The following TMED3 variants were observed in gnomAD, a reference collection of about 807,000 sequenced individuals.
TMED3 encodes the protein transmembrane emp24 domain-containing protein 3.
In TMED3, 9 loss-of-function variants were observed where a neutral mutation model predicts 15.0. The ratio of observed to expected loss-of-function variants is 0.60; its 90% CI spans 0.36 to 1.04. TMED3 has a LOEUF of 1.04. Among genes scored for constraint, TMED3 ranks in the 50% least tolerant of loss-of-function variants. The pLI is 0.01. For missense variants in TMED3, 267 were observed against 278.9 expected (o/e 0.96, Z 0.30); for synonymous variants, 117 against 121.4 (o/e 0.96, Z 0.24).
chr15:79,411,488 G>T, exon 3 of TMED3: 3 of 702,410 alleles, frequency 4.3e-6, no homozygotes, highest in South Asian at 3.0e-5. Flanking sequence ...GGACTGGGAC[G>T]ACTGGCACCC....
At chr15:79,344,213 C>T (rs1457194506) in intron 2 of TMED3, among the ~76,000 whole-genome samples, 1 of 152,132 alleles carries the variant, frequency 6.6e-6, no homozygotes, top group East Asian at 1.9e-4. Context: ...CACAAGGCAC[C>T]AGAAGATGCC....
At chr15:79,362,152 G>A (rs1376324661) in intron 2 of TMED3, among the ~76,000 whole-genome samples, 1 of 151,890 alleles carries the variant, frequency 6.6e-6, no homozygotes, top group East Asian at 1.9e-4. Flanking sequence ...TTTTTGCGGG[G>A]GTACTTAACC....
At chr15:79,376,296 G>A (rs1893426431) in intron 2 of TMED3, among the ~76,000 whole-genome samples, 1 of 151,066 alleles carries the variant, frequency 6.6e-6, no homozygotes, top group Admixed American at 6.6e-5. Flanking sequence ...CTGTTTGATA[G>A]CTTTTGGCAT....
intron 2 of TMED3, among the ~76,000 whole-genome samples, chr15:79,316,803 C>A (rs965142091): frequency 6.6e-6 from 1 of 152,074 alleles, no homozygotes; most frequent in African/African-American, 2.4e-5. Context: ...CCTGGGGACT[C>A]GTGGCCTGGA....
At chr15:79,353,074 T>C (rs1209032173) in intron 2 of TMED3, among the ~76,000 whole-genome samples, 1,244 of 105,052 alleles carry the variant, frequency 0.012, 8 homozygotes, top group Non-Finnish European at 0.017. Context: ...TAAAAATATA[T>C]ATTATATATA....
chr15:79,387,562 A>G (rs566464827), intron 2 of TMED3, among the ~76,000 whole-genome samples: 1 of 151,512 alleles, frequency 6.6e-6, no homozygotes, highest in African/African-American at 2.4e-5. Flanking sequence ...AGAAACATCT[A>G]ATGAAATTAA....
At chr15:79,353,499 A>AAAATTTTTTATATTTTAT (rs2058906279) in intron 2 of TMED3, among the ~76,000 whole-genome samples, 2 of 138,676 alleles carry the variant, frequency 1.4e-5, no homozygotes, top group Non-Finnish European at 3.0e-5. Flanking sequence ...CTATGGCAAC[A>AAAATTTTTTATATTTTAT]AAATTTTATA....
chr15:79,334,393 A>G (rs1050018626), intron 2 of TMED3, among the ~76,000 whole-genome samples: 1 of 152,182 alleles, frequency 6.6e-6, no homozygotes, highest in Non-Finnish European at 1.5e-5. Context: ...TCTAGGGGCC[A>G]TGTGTGAGCA....
downstream of TMED3, among the ~76,000 whole-genome samples, chr15:79,324,235 C>T (rs986297752): frequency 1.1e-4 from 16 of 152,350 alleles, no homozygotes; most frequent in African/African-American, 3.8e-4. Context: ...TCGTGATCCG[C>T]CCGCCTCGGC....
At chr15:79,337,668 G>C (rs965215997) in intron 2 of TMED3, among the ~76,000 whole-genome samples, 1 of 152,138 alleles carries the variant, frequency 6.6e-6, no homozygotes, top group African/African-American at 2.4e-5. Flanking sequence ...TCACACACTC[G>C]CATCAGCAGG....
chr15:79,320,766 C>G (rs774549978), intron 2 of TMED3, among the ~76,000 whole-genome samples: 26 of 152,192 alleles, frequency 1.7e-4, no homozygotes, highest in Non-Finnish European at 3.7e-4. Flanking sequence ...AACATAGTGT[C>G]TTAATGCAAT....
intron 2 of TMED3, among the ~76,000 whole-genome samples, chr15:79,395,482 A>G (rs1893752591): frequency 6.6e-6 from 1 of 152,170 alleles, no homozygotes. Context: ...CGCCTGGCCA[A>G]TGTTTCTGGT....
chr15:79,404,359 C>T (rs1395936), intron 2 of TMED3, among the ~76,000 whole-genome samples: 70,182 of 152,026 alleles, frequency 0.46, 16,619 homozygotes, highest in East Asian at 0.68. Flanking sequence ...TTAGCTGCAT[C>T]AGTAGTCAGA....
At chr15:79,315,543 C>T (rs774595118) in intron 2 of TMED3, among the ~76,000 whole-genome samples, 34 of 152,198 alleles carry the variant, frequency 2.2e-4, no homozygotes, top group Non-Finnish European at 4.7e-4. Context: ...TGAAGAACTT[C>T]CCCCTTAACC....
chr15:79,316,590 G>A (rs1313039235), intron 2 of TMED3, among the ~76,000 whole-genome samples: 1 of 152,208 alleles, frequency 6.6e-6, no homozygotes, highest in African/African-American at 2.4e-5. Context: ...GAAGACCTCG[G>A]CATCCGCTGG....
chr15:79,383,229 C>T (rs1439665790), intron 2 of TMED3: 21 of 557,866 alleles, frequency 3.8e-5, no homozygotes, highest in Non-Finnish European at 5.1e-5. Context: ...TCCAGCTACC[C>T]GATTTCCAAT....
chr15:79,330,493 C>G (rs1355626560), intron 2 of TMED3, among the ~76,000 whole-genome samples: 1 of 152,070 alleles, frequency 6.6e-6, no homozygotes, highest in Non-Finnish European at 1.5e-5. Flanking sequence ...TGAAAAATCT[C>G]TACAAGGAAA....
At chr15:79,386,483 C>T (rs1339281870) in intron 2 of TMED3, among the ~76,000 whole-genome samples, 1 of 152,028 alleles carries the variant, frequency 6.6e-6, no homozygotes, top group African/African-American at 2.4e-5. Context: ...TATATGTCCT[C>T]CTGCTTGGAG....
intron 2 of TMED3, chr15:79,384,769 C>T (rs1304797496): frequency 6.6e-6 from 1 of 152,140 alleles, no homozygotes; most frequent in Non-Finnish European, 1.5e-5. Context: ...TGCTTGTAAT[C>T]CCAGCACTTT....
Sources: allele counts gnomAD v4.1 joint callset (sites outside exome capture counted in the v4.1 genomes callset), GRCh38; gene constraint gnomAD v4.1.1; transcripts MANE v1.5; gene names NCBI Gene and HGNC (gene_info 2026-07-23, HGNC 2026-07-21).